Variants in SAMMSON observed in about 807,000 individuals in gnomAD.
SAMMSON encodes survival associated mitochondrial melanoma specific oncogenic non-coding RNA.
chr3:70,125,120 A>T (rs1037158332), intron 4 of SAMMSON: 8 of 1,453,670 alleles, frequency 5.5e-6, no homozygotes, highest in Non-Finnish European at 6.7e-6. Context: ...AGATCGAGCA[A>T]ATTGAACCAC....
intron 7 of SAMMSON, among the ~76,000 whole-genome samples, chr3:70,335,063 G>T: frequency 2.0e-5 from 3 of 146,652 alleles, no homozygotes; most frequent in South Asian, 2.2e-4. Flanking sequence ...CTGCTTTGGG[G>T]AAAAAAAAAA....
At chr3:70,158,049 G>A (rs1399088307) in intron 4 of SAMMSON, among the ~76,000 whole-genome samples, 1 of 152,020 alleles carries the variant, frequency 6.6e-6, no homozygotes, top group Admixed American at 6.6e-5. Context: ...ACTTCATTCA[G>A]CATATTTAGC....
chr3:70,187,427 CTTTTT>C (rs928465556), intron 4 of SAMMSON, among the ~76,000 whole-genome samples: 4 of 73,152 alleles, frequency 5.5e-5, no homozygotes, highest in African/African-American at 1.3e-4. Context: ...GGGACCAACT[CTTTTT>C]TTTTTTTTTT....
intron 3 of SAMMSON, among the ~76,000 whole-genome samples, chr3:70,053,561 A>G (rs960767870): frequency 5.3e-5 from 8 of 152,144 alleles, no homozygotes; most frequent in Non-Finnish European, 8.8e-5. Flanking sequence ...TTCAACACAC[A>G]AGGAGACTGA....
intron 4 of SAMMSON, among the ~76,000 whole-genome samples, chr3:70,080,291 T>G (rs1456153673): frequency 6.6e-6 from 1 of 152,188 alleles, no homozygotes; most frequent in Non-Finnish European, 1.5e-5. Flanking sequence ...CCTAGTCTGG[T>G]CCCTCCTTGC....
chr3:70,310,513 G>A (rs1480165646), intron 7 of SAMMSON, among the ~76,000 whole-genome samples: 2 of 151,746 alleles, frequency 1.3e-5, no homozygotes, highest in African/African-American at 4.8e-5. Context: ...CTACAGGGGT[G>A]TGCCACCACA....
intron 4 of SAMMSON, among the ~76,000 whole-genome samples, chr3:70,112,958 T>C (rs571123699): frequency 1.3e-5 from 2 of 152,270 alleles, no homozygotes; most frequent in East Asian, 3.9e-4. Context: ...ATTGAGTGCT[T>C]TCTATGAACA....
intron 4 of SAMMSON, among the ~76,000 whole-genome samples, chr3:70,108,445 A>ATTTTTTTTTT (rs1576123878): frequency 4.7e-5 from 2 of 42,872 alleles, no homozygotes; most frequent in African/African-American, 1.9e-4. Flanking sequence ...TTTTTTTATC[A>ATTTTTTTTTT]TAACTCACCT....
chr3:70,405,944 C>T (rs1181128547), intron 2 of SAMMSON, among the ~76,000 whole-genome samples: 2 of 151,938 alleles, frequency 1.3e-5, no homozygotes, highest in African/African-American at 4.8e-5. Flanking sequence ...TTAACCAATG[C>T]CTGAGAAAAA....
At chr3:70,002,081 ATGTATCACAGT>A (rs2066908198) in intron 1 of SAMMSON, among the ~76,000 whole-genome samples, 1 of 152,082 alleles carries the variant, frequency 6.6e-6, no homozygotes, top group African/African-American at 2.4e-5. Context: ...CTTTATATGG[ATGTATCACAGT>A]TTATTTAACC....
At chr3:70,043,722 T>G (rs1472799592) in intron 3 of SAMMSON, among the ~76,000 whole-genome samples, 1 of 152,186 alleles carries the variant, frequency 6.6e-6, no homozygotes, top group Non-Finnish European at 1.5e-5. Flanking sequence ...CAGAAAGACT[T>G]CAGTCTTTTG....
intron 2 of SAMMSON, among the ~76,000 whole-genome samples, chr3:70,411,529 A>T (rs17007232): frequency 1.3e-5 from 2 of 152,060 alleles, no homozygotes; most frequent in African/African-American, 2.4e-5. Flanking sequence ...ACTGGGTATC[A>T]CAATGATATG....
intron 4 of SAMMSON, among the ~76,000 whole-genome samples, chr3:70,246,046 C>G (rs571528542): frequency 6.6e-6 from 1 of 151,552 alleles, no homozygotes; most frequent in Non-Finnish European, 1.5e-5. Flanking sequence ...TGTAGATAGA[C>G]AGATAGAGAG....
intron 4 of SAMMSON, among the ~76,000 whole-genome samples, chr3:70,161,071 T>A (rs1434171358): frequency 2.6e-5 from 4 of 152,070 alleles, no homozygotes; most frequent in African/African-American, 7.2e-5. Flanking sequence ...GCTTTGTTTG[T>A]GGATTTCTAC....
At chr3:70,220,917 C>T (rs895197236) in intron 4 of SAMMSON, among the ~76,000 whole-genome samples, 3 of 152,070 alleles carry the variant, frequency 2.0e-5, no homozygotes, top group Non-Finnish European at 2.9e-5. Flanking sequence ...GAGCTTAGCA[C>T]AGGGCTTGGC....
chr3:70,163,936 T>TG (rs1178759775), intron 4 of SAMMSON, among the ~76,000 whole-genome samples: 1 of 152,024 alleles, frequency 6.6e-6, no homozygotes, highest in Non-Finnish European at 1.5e-5. Flanking sequence ...GGTAATTGCC[T>TG]TGTATAGTTT....
intron 6 of SAMMSON, among the ~76,000 whole-genome samples, chr3:70,273,363 G>A (rs969556409): frequency 6.6e-6 from 1 of 152,148 alleles, no homozygotes; most frequent in African/African-American, 2.4e-5. Context: ...GTAAAAATGA[G>A]ATGCTAAGAC....
chr3:70,352,425 T>C (rs1702800645), intron 7 of SAMMSON, among the ~76,000 whole-genome samples: 2 of 152,142 alleles, frequency 1.3e-5, no homozygotes, highest in African/African-American at 4.8e-5. Context: ...ATATATCCTA[T>C]AGGAATGAAG....
At chr3:70,421,899 C>A (rs947864209) in intron 2 of SAMMSON, among the ~76,000 whole-genome samples, 1 of 151,774 alleles carries the variant, frequency 6.6e-6, no homozygotes, top group African/African-American at 2.4e-5. Flanking sequence ...CTGAGGGCTA[C>A]GTTGATTAAA....
Sources: allele counts gnomAD v4.1 joint callset (sites outside exome capture counted in the v4.1 genomes callset), GRCh38; gene constraint gnomAD v4.1.1; transcripts MANE v1.5; gene names NCBI Gene and HGNC (gene_info 2026-07-23, HGNC 2026-07-21).